DYSF: variants seen among roughly 807,000 people sequenced by gnomAD.
The protein encoded by DYSF is dysferlin, also known as dystrophy-associated fer-1-like 1.
Under a neutral mutation model 274.9 loss-of-function variants are expected in DYSF, and 212 were observed. The observed-to-expected ratio is 0.77, with a 90% CI of 0.69 to 0.86. DYSF has a LOEUF of 0.86. Ranked by LOEUF, DYSF falls within the 40% of genes least tolerant of loss-of-function variation. The pLI, the probability that DYSF is intolerant of heterozygous loss-of-function variation, is 0.00. For synonymous variants in DYSF, 1,091 were observed against 1,078.7 expected, an observed-to-expected ratio of 1.01 and a Z score of -0.22; for missense variants, 2,666 against 2,783.2, an observed-to-expected ratio of 0.96 and a Z score of 0.95.
chr2:71,611,288 C>T lies in DYSF; in HGVS notation c.4001C>T (p.Ala1334Val), dbSNP rs1369471289. ...DLPYPPPQRE[A>V]NIYMVPQNIK... is the part of the protein sequence containing the mutation. ...CCCTACCCACCACCCCAGAGGGAGGCCAACATCTACATGGTTCCTCAGAAC... is the reference window on the plus strand; with the variant it reads ...CCCTACCCACCACCCCAGAGGGAGGTCAACATCTACATGGTTCCTCAGAAC... The change falls in exon 37 of 56, where the codon GCC becomes GTC. Residue 1334 changes from alanine to valine, a missense_variant. Ala to Val is a moderately conservative substitution (Grantham distance 64). This residue lies in a region of DYSF where 1,460 missense variants were observed against 1,502.1 expected (regional missense o/e 0.97). Coordinates refer to ENST00000410020, the MANE Select transcript of DYSF (RefSeq NM_001130987.2). 1 of 1,613,934 alleles carries T rather than the reference C, an allele frequency of 6.2e-7. No homozygotes were observed. The highest frequency in any genetic ancestry group is 8.5e-7 in the Non-Finnish European group (1 of 1,179,922).
In DYSF at chr2:71,526,207, G is replaced by A; in HGVS notation, c.1150-13G>A. On this transcript the variant is annotated splice_polypyrimidine_tract_variant and intron_variant, in intron 12 of 55. Transcript: ENST00000410020. ...GGAGCGCATGAAGGAATCGTATTTGGTTTTCTTTGTAGCTGGAGAGAAAAG... is the reference window on the plus strand; with the variant it reads ...GGAGCGCATGAAGGAATCGTATTTGATTTTCTTTGTAGCTGGAGAGAAAAG... 1 of 1,614,226 alleles carries A rather than the reference G, an allele frequency of 6.2e-7. No homozygotes were observed. The highest frequency in any genetic ancestry group is 1.1e-5 in the South Asian group (1 of 91,092).
intron 54 of DYSF, among the ~76,000 whole-genome samples, 155 bp downstream of exon 54, chr2:71,681,265 G>T (rs921816925): frequency 6.6e-6 from 1 of 152,222 alleles, no homozygotes; most frequent in African/African-American, 2.4e-5. Flanking sequence ...TAAGTTAGGG[G>T]GAAGGTGATG....
chr2:71,655,193 C>T (rs2094745562), intron 42 of DYSF, among the ~76,000 whole-genome samples: 1 of 151,916 alleles, frequency 6.6e-6, no homozygotes, highest in African/African-American at 2.4e-5. Flanking sequence ...TTCAAAAGGA[C>T]ATATACCAAA....
At chr2:71,602,407 T>G (rs1236146032) in intron 35 of DYSF, among the ~76,000 whole-genome samples, 2 of 152,148 alleles carry the variant, frequency 1.3e-5, no homozygotes, top group Non-Finnish European at 2.9e-5. Flanking sequence ...GGTTCTAGGT[T>G]GGTTCTCCTC....
In DYSF at chr2:71,669,127, T is replaced by A. The variant is rs2095071693; in HGVS notation, c.5562T>A (p.Cys1854Ter). 1 of 1,604,770 alleles carries A rather than the reference T, an allele frequency of 6.2e-7. No individual in the cohort carries two copies. The highest frequency in any genetic ancestry group is 1.3e-5 in the African/African-American group (1 of 74,990). The change falls in exon 50 of 56, where the codon TGT (cysteine) becomes TGA (stop). Residue 1854 changes from cysteine (C) to a stop codon, truncating the protein, a stop_gained. Coordinates refer to ENST00000410020, the MANE Select transcript of DYSF (RefSeq NM_001130987.2). LOFTEE classifies it high-confidence loss of function. ...CTTTCCCCAGGTTTTTCCTGCGTTG[T>A]ATTATCTGGAATACCAGAGATGTGA... ...PRRARRFFLRCIIWNTRDVIL... is the reference protein window; with the variant it reads ...PRRARRFFLR
intron 13 of DYSF, among the ~76,000 whole-genome samples, chr2:71,527,255 C>G (rs948819236): frequency 6.6e-6 from 1 of 152,186 alleles, no homozygotes; most frequent in Admixed American, 6.5e-5. Context: ...TTAACACAAC[C>G]AAGCCACTGT....
At chr2:71,618,575 GGGT>G (rs2093999087) in intron 40 of DYSF, among the ~76,000 whole-genome samples, 1 of 151,328 alleles carries the variant, frequency 6.6e-6, no homozygotes, top group African/African-American at 2.4e-5. Flanking sequence ...TGTTTGTGTG[GGGT>G]AGAGTTGTGT....
chr2:71,490,256 G>A (rs1311448939), intron 3 of DYSF, among the ~76,000 whole-genome samples: 1 of 152,102 alleles, frequency 6.6e-6, no homozygotes, highest in African/African-American at 2.4e-5. Context: ...AGTTATAAAG[G>A]AAAAAGTACA....
At chr2:71,567,678 GTTC>G (rs1559175361) in intron 24 of DYSF, among the ~76,000 whole-genome samples, 1 of 152,008 alleles carries the variant, frequency 6.6e-6, no homozygotes, top group African/African-American at 2.4e-5. Flanking sequence ...GCTAGACATG[GTTC>G]TTCTCTGCAG....
rs189923208 is a variant in DYSF, at chr2:71,551,040, G to A, written c.1577-1G>A. 6.2e-7 allele frequency: 1 copy of A among 1,614,046 alleles called. No individual in the cohort carries two copies. Among genetic ancestry groups the A allele is most frequent in the African/African-American group, 1.3e-5 (1 of 75,046 alleles). ...CTCTGATTGCCACTTGTGTCTCCCA[G>A]TGGATGACTACCTGGGCTTCCTCCC... On this transcript the variant is annotated splice_acceptor_variant, in intron 17 of 55. Coordinates refer to ENST00000410020, the MANE Select transcript of DYSF (RefSeq NM_001130987.2). LOFTEE classifies it high-confidence loss of function.
chr2:71,551,267 C>A (rs998210642), intron 18 of DYSF, 111 bp downstream of exon 18: 11 of 1,068,438 alleles, frequency 1.0e-5, no homozygotes, highest in Middle Eastern at 2.1e-4. Context: ...CACGACCTGG[C>A]AGCCAACCCC....
Position 71,656,165 on chromosome 2 carries a change from T to A in DYSF, c.4630T>A (p.Tyr1544Asn), listed in dbSNP as rs752035632. The A allele has an allele frequency of 6.2e-7, 1 of 1,614,194 alleles. No homozygotes were observed. The highest frequency in any genetic ancestry group is 1.7e-5 in the Admixed American group (1 of 60,024). Reference sequence around the variant, plus strand: ...CTCTAATCCCCATGTGTGGCAGGTCTATGACACACAGCTGGAGAATGTGGA... The same window carrying A: ...CTCTAATCCCCATGTGTGGCAGGTCAATGACACACAGCTGGAGAATGTGGA... ...LEKDFDTLKVYDTQLENVEAF... is the reference protein window; with the variant it reads ...LEKDFDTLKVNDTQLENVEAF... The change falls in exon 43 of 56, where the codon TAT becomes AAT. Residue 1544 changes from tyrosine to asparagine, a missense_variant. Physicochemically the swap from Tyr to Asn is moderately radical, Grantham distance 143 (BLOSUM62 -2). This residue lies in a region of DYSF where 1,460 missense variants were observed against 1,502.1 expected (regional missense o/e 0.97). Coordinates refer to ENST00000410020, the MANE Select transcript of DYSF (RefSeq NM_001130987.2).
At chr2:71,478,337 G>A (rs959436306) in intron 1 of DYSF, among the ~76,000 whole-genome samples, 1 of 151,150 alleles carries the variant, frequency 6.6e-6, no homozygotes, top group Non-Finnish European at 1.5e-5. Context: ...TCAGCCTCCC[G>A]AGCAGCTGGG....
chr2:71,588,587 T>G (rs926941627), intron 30 of DYSF: 1 of 152,314 alleles, frequency 6.6e-6, no homozygotes, highest in Non-Finnish European at 1.5e-5. Flanking sequence ...GTGGGATGAA[T>G]GGGCCGTCTG....
intron 3 of DYSF, among the ~76,000 whole-genome samples, chr2:71,501,997 G>T (rs775123971): frequency 6.6e-6 from 1 of 151,754 alleles, no homozygotes; most frequent in Non-Finnish European, 1.5e-5. Context: ...TGGCTGCACC[G>T]TTTACGTCCC....
chr2:71,654,795 C>G (rs1437671759), intron 42 of DYSF, among the ~76,000 whole-genome samples: 2 of 150,336 alleles, frequency 1.3e-5, no homozygotes, highest in Non-Finnish European at 3.0e-5. Context: ...AAACAAGTTA[C>G]AGGCCAGGCA....
At chr2:71,498,008 A>T (rs561891779) in intron 3 of DYSF, among the ~76,000 whole-genome samples, 6 of 152,232 alleles carry the variant, frequency 3.9e-5, no homozygotes, top group African/African-American at 1.4e-4. Context: ...CTGCTAAATC[A>T]TGGAGGTTTG....
In DYSF at chr2:71,543,851, GGAAAGAGA is replaced by G. The variant is rs1284678411; in HGVS notation, c.1576+4614_1576+4621del. Among the ~76,000 whole-genome samples the G allele has an allele frequency of 6.3e-3, 959 of 151,048 alleles. 9 individuals carry two copies. The highest frequency in any genetic ancestry group is 0.021 in the African/African-American group (865 of 40,666). ...CGGCTCGGCATCAGAGGGAGACCGT[GGAAAGAGA>G]GGGAGAGGGAGACCGTGGGGAGAGG... On this transcript the variant is annotated intron_variant, in intron 17 of 55. Coordinates refer to ENST00000410020, the MANE Select transcript of DYSF (RefSeq NM_001130987.2).
chr2:71,546,406 AGTTTTTGTTTTTCT>A (rs914250558), intron 17 of DYSF, among the ~76,000 whole-genome samples: 2 of 152,212 alleles, frequency 1.3e-5, no homozygotes, highest in South Asian at 2.1e-4. Context: ...TTCAACTAGC[AGTTTTTGTTTTTCT>A]GTTTTTGTTT....
Sources: gnomAD v4.1 joint callset for allele counts (sites outside exome capture counted in the v4.1 genomes callset) on GRCh38, gnomAD v4.1.1 for gene constraint, gnomAD v4.1.1 regional missense constraint, MANE v1.5 for transcripts, NCBI Gene and HGNC (gene_info 2026-07-23, HGNC 2026-07-21) for gene names.